The following UBE2J2 variants were observed in gnomAD, a reference collection of about 807,000 sequenced individuals.
UBE2J2 encodes ubiquitin-conjugating enzyme E2 J2.
Under a neutral mutation model 28.6 loss-of-function variants are expected in UBE2J2, and 5 were observed. The observed-to-expected ratio is 0.17, with a 90% CI of 0.09 to 0.37. The LOEUF (loss-of-function observed/expected upper bound fraction) is 0.37, where lower values mean the gene tolerates loss of function less well. Ranked by LOEUF, UBE2J2 falls within the 10% of genes least tolerant of loss-of-function variation. The probability of loss-of-function intolerance (pLI) is 1.00; values close to 1 mark genes in which losing one functional copy is unlikely to be tolerated. For missense variants in UBE2J2, 226 were observed against 338.9 expected (o/e 0.67, Z 2.62); for synonymous variants, 138 against 139.7 (o/e 0.99, Z 0.09).
chr1:1,263,027 CACTGGGTCTTAAGAAATAGTAG>C, intron 3 of UBE2J2: 2 of 295,940 alleles, frequency 6.8e-6, no homozygotes, highest in Non-Finnish European at 1.3e-5. Flanking sequence ...TGATGATATG[CACTGGGTCTTAAGAAATAGTAG>C]AACAGGCCAG....
intron 3 of UBE2J2, chr1:1,263,059 G>T: frequency 2.6e-6 from 1 of 386,108 alleles, no homozygotes; most frequent in South Asian, 3.5e-5. Context: ...GAACAGGCCA[G>T]CTTCAGTGTT....
chr1:1,271,585 C>T (rs1166928488), intron 1 of UBE2J2: 3 of 152,166 alleles, frequency 2.0e-5, no homozygotes, highest in African/African-American at 4.8e-5. Flanking sequence ...GAGCTTCACA[C>T]AGAACAGCAT....
At chr1:1,272,648 T>TACCTGCCTGGCTC (rs1403673035) in intron 1 of UBE2J2, among the ~76,000 whole-genome samples, 1 of 152,004 alleles carries the variant, frequency 6.6e-6, no homozygotes, top group East Asian at 1.9e-4. Context: ...TCCACGCACC[T>TACCTGCCTGGCTC]ACCTGCCTGG....
intron 1 of UBE2J2, chr1:1,272,751 A>T (rs1640222495): frequency 6.0e-6 from 1 of 167,650 alleles, no homozygotes; most frequent in Middle Eastern, 2.7e-3. Flanking sequence ...ACTGCTAAGG[A>T]GGTCAGCGGT....
At chr1:1,258,367 G>C (rs1001491582) in intron 3 of UBE2J2, among the ~76,000 whole-genome samples, 1 of 152,054 alleles carries the variant, frequency 6.6e-6, no homozygotes, top group African/African-American at 2.4e-5. Flanking sequence ...ACCACCCAAC[G>C]GCATAGCCTT....
chr1:1,270,199 A>G (rs1424645580), intron 1 of UBE2J2, among the ~76,000 whole-genome samples: 1 of 152,088 alleles, frequency 6.6e-6, no homozygotes, highest in Non-Finnish European at 1.5e-5. Flanking sequence ...TTCTTTATAA[A>G]TTACTGAGTC....
In UBE2J2 at chr1:1,255,141, G is replaced by A. The variant is rs915789857; in HGVS notation, c.*62C>T. On this transcript the variant is annotated 3_prime_UTR_variant, in exon 7 of 7. Coordinates refer to ENST00000349431, the MANE Select transcript of UBE2J2 (RefSeq NM_058167.3). ...CTGTGCTGGGCAGTGTGTCCAGCCTGCCGAGGTCACGCTCTGGTGCGCGGT... is the reference window on the plus strand; with the variant it reads ...CTGTGCTGGGCAGTGTGTCCAGCCTACCGAGGTCACGCTCTGGTGCGCGGT... 2.7e-6 allele frequency: 4 copies of A among 1,492,938 alleles called. No homozygotes were observed. In the Admixed American group the frequency reaches 8.7e-5, roughly 33 times the overall value. The allele number at this position is 1,492,938 out of a possible 1,614,324, so 92.5% of individuals were successfully genotyped here.
intron 3 of UBE2J2, among the ~76,000 whole-genome samples, chr1:1,260,825 TCCTTTG>T (rs1639513857): frequency 6.6e-6 from 1 of 152,240 alleles, no homozygotes; most frequent in Non-Finnish European, 1.5e-5. Flanking sequence ...CTGTTCTAGG[TCCTTTG>T]CCTTTGCATG....
At chr1:1,255,636 G>C in intron 6 of UBE2J2, 149 bp from the exon 7 acceptor site, 2 of 974,980 alleles carry the variant, frequency 2.1e-6, no homozygotes, top group Non-Finnish European at 3.0e-6. Context: ...GTGAGGGCCC[G>C]AGCGTGGCCG....
intron 3 of UBE2J2, among the ~76,000 whole-genome samples, chr1:1,261,345 C>T (rs879739185): frequency 1.1e-4 from 17 of 152,170 alleles, no homozygotes; most frequent in Non-Finnish European, 2.2e-4. Context: ...GAGCCACACA[C>T]GGTTGTGGGG....
At chr1:1,263,182 C>T (rs1027821660) in intron 3 of UBE2J2, 164 bp downstream of exon 3, 5 of 674,036 alleles carry the variant, frequency 7.4e-6, no homozygotes, top group Non-Finnish European at 1.3e-5. Context: ...ACACTTCCAG[C>T]GTGTGGAGAA....
At chr1:1,262,952 G>C (rs1570560038) in intron 3 of UBE2J2, 1 of 196,024 alleles carries the variant, frequency 5.1e-6, no homozygotes, top group East Asian at 1.2e-4. Context: ...CCTGGGGATT[G>C]CGAAACCCTG....
At position 1,254,353 on chromosome 1, in the gene UBE2J2, G is replaced by A. The variant is rs1324077944; in HGVS notation, c.*850C>T. On this transcript the variant is annotated 3_prime_UTR_variant, in exon 7 of 7. Transcript: ENST00000349431. ...TGAGGGAGGCCCCCGAGTGCACGGGGCCTTCTGCAGGGACTCCGGTCCTCC... is the reference window on the plus strand; with the variant it reads ...TGAGGGAGGCCCCCGAGTGCACGGGACCTTCTGCAGGGACTCCGGTCCTCC... 6.6e-6 allele frequency: 1 copy of A among 152,302 alleles called. No homozygotes were observed. The highest frequency in any genetic ancestry group is 1.5e-5 in the Non-Finnish European group (1 of 68,076). The allele number at this position is 152,302 out of a possible 1,614,324, so 9.4% of individuals were successfully genotyped here.
At chr1:1,257,404 C>CT in intron 3 of UBE2J2, 94 bp from the exon 4 acceptor site, 2 of 607,042 alleles carry the variant, frequency 3.3e-6, no homozygotes, top group Non-Finnish European at 2.5e-6. Context: ...CCCCCCCCCC[C>CT]CCCCTCAGCT....
chr1:1,268,140 G>T lies in UBE2J2; in HGVS notation c.1-148C>A. 2.8e-6 allele frequency: 3 copies of T among 1,085,206 alleles called. No homozygotes were observed. The highest frequency in any genetic ancestry group is 4.0e-6 in the Non-Finnish European group (3 of 751,134). The allele number at this position is 1,085,206 out of a possible 1,614,324, so 67.2% of individuals were successfully genotyped here. A position where few individuals can be genotyped will look rare whatever the true frequency, so the allele number is the denominator to read the frequency against. ...CACAGCTCACAGGTCACCCTCGCTT[G>T]CCACCCGCCCAGACACCCAGAGGCC... On this transcript the variant is annotated intron_variant, in intron 1 of 6. Coordinates refer to ENST00000349431, the MANE Select transcript of UBE2J2 (RefSeq NM_058167.3). The surrounding 1 kb of genome is among the most constrained non-coding windows in gnomAD (Gnocchi z 4.7).
intron 3 of UBE2J2, 72 bp downstream of exon 3, chr1:1,263,274 T>A: frequency 2.9e-6 from 4 of 1,373,520 alleles, no homozygotes; most frequent in Non-Finnish European, 4.1e-6. Context: ...AAATAAAAGA[T>A]GTTGAACAGG....
At chr1:1,264,891 G>A (rs532366061) in intron 2 of UBE2J2, 1 of 154,152 alleles carries the variant, frequency 6.5e-6, no homozygotes, top group East Asian at 1.9e-4. Flanking sequence ...CTGAGTGACA[G>A]AAATAGTACT....
At chr1:1,267,736 G>A (rs565507942) in intron 2 of UBE2J2, 126 bp downstream of exon 2, 99 of 1,530,850 alleles carry the variant, frequency 6.5e-5, no homozygotes, top group South Asian at 4.5e-4. Flanking sequence ...CACTCACCCC[G>A]GGGGAGGGTG....
intron 2 of UBE2J2, among the ~76,000 whole-genome samples, chr1:1,265,726 C>T (rs1174844039): frequency 1.3e-5 from 2 of 151,854 alleles, no homozygotes; most frequent in African/African-American, 2.4e-5. Flanking sequence ...TTCCCGGGTT[C>T]AAGCGATTCT....
Sources: allele counts gnomAD v4.1 joint callset (sites outside exome capture counted in the v4.1 genomes callset), GRCh38; gene constraint gnomAD v4.1.1; non-coding constraint Gnocchi (gnomAD v3.1); transcripts MANE v1.5; gene names NCBI Gene and HGNC (gene_info 2026-07-23, HGNC 2026-07-21).